The following EPHA6 variants were observed in gnomAD, a reference collection of about 807,000 sequenced individuals.
EPHA6 encodes ephrin type-A receptor 6.
A neutral mutation model predicts 112.0 loss-of-function variants in EPHA6; 50 were observed. The observed-to-expected ratio is 0.45, with a 90% CI of 0.36 to 0.56. The LOEUF is 0.56. Among genes scored for constraint, EPHA6 ranks in the 20% least tolerant of loss-of-function variants. The pLI, the probability that EPHA6 is intolerant of heterozygous loss-of-function variation, is 0.00. For missense variants in EPHA6, 1,280 were observed against 1,417.4 expected (o/e 0.90, Z 1.56); for synonymous variants, 529 against 490.7 (o/e 1.08, Z -1.03).
intron 2 of EPHA6, among the ~76,000 whole-genome samples, chr3:96,877,700 G>A (rs2037056764): frequency 6.8e-6 from 1 of 146,382 alleles, no homozygotes; most frequent in South Asian, 2.2e-4. Flanking sequence ...TTGAATTAAT[G>A]TACCATAGTC....
chr3:97,429,795 T>G (rs1444005291), intron 6 of EPHA6, among the ~76,000 whole-genome samples: 5 of 152,200 alleles, frequency 3.3e-5, no homozygotes, highest in Non-Finnish European at 7.3e-5. Context: ...TTTAGAGGTA[T>G]AGTTAGTAGA....
chr3:97,336,468 A>C (rs2083061292), intron 5 of EPHA6, among the ~76,000 whole-genome samples: 1 of 152,148 alleles, frequency 6.6e-6, no homozygotes, highest in Admixed American at 6.6e-5. Context: ...TTAGTCATTG[A>C]TTTCTGTGAG....
Position 97,125,581 on chromosome 3 carries a change from T to C in EPHA6, c.1115-100683T>C. On this transcript the variant is annotated intron_variant, in intron 3 of 17. Transcript: ENST00000389672. ...CTGGCTTGTTAACAATTAAAGCAGA[T>C]TATTTTTTGGTATCTTAATTTTTCT... 1.3e-5 allele frequency among the ~76,000 whole-genome samples: 2 copies of C among 152,172 alleles called. 1 individual carries two copies. Among genetic ancestry groups the C allele is most frequent in the East Asian group, 3.8e-4 (2 of 5,198 alleles).
intron 2 of EPHA6, among the ~76,000 whole-genome samples, chr3:96,922,212 G>A (rs1220550552): frequency 6.6e-6 from 1 of 152,188 alleles, no homozygotes; most frequent in Non-Finnish European, 1.5e-5. Context: ...GGTTCCAGTT[G>A]ATGAGAGACA....
intron 5 of EPHA6, among the ~76,000 whole-genome samples, chr3:97,342,694 CCTCT>C (rs149790718): frequency 3.5e-4 from 53 of 149,788 alleles, no homozygotes; most frequent in South Asian, 1.1e-3. Flanking sequence ...GTCTCCTTGC[CCTCT>C]CTCTCTCTCT....
At chr3:96,839,970 A>G (rs2034639128) in intron 1 of EPHA6, among the ~76,000 whole-genome samples, 1 of 152,084 alleles carries the variant, frequency 6.6e-6, no homozygotes, top group South Asian at 2.1e-4. Context: ...TTAGAACACT[A>G]TTGTTATTGT....
At chr3:97,522,457 T>C (rs1359589617) in intron 10 of EPHA6, among the ~76,000 whole-genome samples, 1 of 152,180 alleles carries the variant, frequency 6.6e-6, no homozygotes, top group African/African-American at 2.4e-5. Context: ...TGCTAGTATT[T>C]TGTTGAGTAT....
chr3:97,608,451 T>C (rs911104165), intron 12 of EPHA6, among the ~76,000 whole-genome samples: 3 of 151,210 alleles, frequency 2.0e-5, no homozygotes, highest in Non-Finnish European at 3.0e-5. Flanking sequence ...CAAGTGACCT[T>C]GAGAAACCCA....
intron 2 of EPHA6, among the ~76,000 whole-genome samples, chr3:96,879,973 GAAGGATGAAAAAC>G (rs1183384065): frequency 6.6e-6 from 1 of 152,002 alleles, no homozygotes; most frequent in African/African-American, 2.4e-5. Flanking sequence ...AGGGGGCAGT[GAAGGATGAAAAAC>G]TACCTATTGG....
At chr3:97,294,696 C>A (rs1230669671) in intron 5 of EPHA6, among the ~76,000 whole-genome samples, 5 of 152,066 alleles carry the variant, frequency 3.3e-5, no homozygotes, top group Non-Finnish European at 7.4e-5. Flanking sequence ...GATTGCTCTA[C>A]CAGTGCATTT....
At chr3:97,023,040 C>G (rs1040142368) in intron 3 of EPHA6, among the ~76,000 whole-genome samples, 1 of 152,100 alleles carries the variant, frequency 6.6e-6, no homozygotes. Flanking sequence ...GCTTTCATGC[C>G]GGGGCAGCAA....
intron 10 of EPHA6, among the ~76,000 whole-genome samples, chr3:97,518,032 G>A (rs1004402132): frequency 2.6e-5 from 4 of 152,098 alleles, no homozygotes; most frequent in Non-Finnish European, 4.4e-5. Flanking sequence ...CTTGGCTATT[G>A]TGAATAATGC....
At chr3:97,443,818 G>T (rs1293484255) in intron 6 of EPHA6, among the ~76,000 whole-genome samples, 1 of 152,070 alleles carries the variant, frequency 6.6e-6, no homozygotes, top group African/African-American at 2.4e-5. Context: ...GGTCCATAAG[G>T]TGTGTTAGTT....
intron 5 of EPHA6, among the ~76,000 whole-genome samples, chr3:97,247,709 G>GA (rs925484176): frequency 2.0e-5 from 3 of 151,772 alleles, no homozygotes; most frequent in Non-Finnish European, 4.4e-5. Flanking sequence ...CTAAAATTTG[G>GA]AAAAATGAAT....
chr3:97,090,402 C>A (rs1396302275), intron 3 of EPHA6, among the ~76,000 whole-genome samples: 1 of 151,866 alleles, frequency 6.6e-6, no homozygotes, highest in Non-Finnish European at 1.5e-5. Context: ...TCTTTTTTCT[C>A]CTGCGGGCAT....
chr3:97,712,992 T>C (rs1413644246), intron 14 of EPHA6, among the ~76,000 whole-genome samples: 3 of 152,242 alleles, frequency 2.0e-5, no homozygotes, highest in Admixed American at 2.0e-4. Context: ...CATCTGCCCC[T>C]ATTCTCTATG....
At chr3:97,426,587 A>C (rs563873684) in intron 6 of EPHA6, among the ~76,000 whole-genome samples, 1 of 152,332 alleles carries the variant, frequency 6.6e-6, no homozygotes, top group South Asian at 2.1e-4. Context: ...ACCAAAAACT[A>C]TAACATTCCT....
intron 2 of EPHA6, among the ~76,000 whole-genome samples, chr3:96,937,258 T>G (rs2040642049): frequency 2.0e-5 from 3 of 152,204 alleles, no homozygotes; most frequent in African/African-American, 7.2e-5. Flanking sequence ...CCACATCCTC[T>G]TCAGCACCTG....
intron 14 of EPHA6, among the ~76,000 whole-genome samples, chr3:97,680,593 C>T (rs1188166092): frequency 1.3e-5 from 2 of 152,162 alleles, no homozygotes; most frequent in South Asian, 2.1e-4. Context: ...CAGATTTAGA[C>T]ATTTGACATA....
Sources: allele counts gnomAD v4.1 joint callset (sites outside exome capture counted in the v4.1 genomes callset), GRCh38; gene constraint gnomAD v4.1.1; transcripts MANE v1.5; gene names NCBI Gene and HGNC (gene_info 2026-07-23, HGNC 2026-07-21).